The following GRIK4 variants were observed in gnomAD, a reference collection of about 807,000 sequenced individuals.
The protein encoded by GRIK4 is glutamate ionotropic receptor kainate type subunit 4.
Under a neutral mutation model 104.9 loss-of-function variants are expected in GRIK4, and 40 were observed. The ratio of observed to expected loss-of-function variants is 0.38; its 90% CI spans 0.30 to 0.50. GRIK4 has a LOEUF of 0.50. GRIK4 is among the 20% of genes least tolerant of loss of function. The pLI, the probability that GRIK4 is intolerant of heterozygous loss-of-function variation, is 0.93. For synonymous variants in GRIK4, 485 were observed against 524.9 expected (o/e 0.92, Z 1.04); for missense variants, 1,047 against 1,308.1 (o/e 0.80, Z 3.08).
At chr11:120,556,638 T>G (rs1948189139) in intron 1 of GRIK4, among the ~76,000 whole-genome samples, 1 of 152,096 alleles carries the variant, frequency 6.6e-6, no homozygotes, top group African/African-American at 2.4e-5. Flanking sequence ...GGTCCTCAAC[T>G]TACTGGGTAA....
intron 16 of GRIK4, among the ~76,000 whole-genome samples, chr11:120,959,847 C>T (rs1944249671): frequency 6.6e-6 from 1 of 152,168 alleles, no homozygotes. Flanking sequence ...TCTGTTGTTA[C>T]AATTTACAGA....
intron 11 of GRIK4, among the ~76,000 whole-genome samples, chr11:120,883,999 G>T (rs945762393): frequency 8.5e-5 from 13 of 152,226 alleles, no homozygotes; most frequent in Non-Finnish European, 1.8e-4. Flanking sequence ...GGGTTTGCAG[G>T]CAGGCAGGCC....
At chr11:120,806,023 C>CT in intron 4 of GRIK4, among the ~76,000 whole-genome samples, 1 of 152,228 alleles carries the variant, frequency 6.6e-6, no homozygotes, top group East Asian at 1.9e-4. Flanking sequence ...TTTTGTGCCT[C>CT]TGTTTCCTCG....
intron 3 of GRIK4, among the ~76,000 whole-genome samples, chr11:120,756,861 C>G (rs1328448201): frequency 2.0e-5 from 3 of 152,244 alleles, no homozygotes; most frequent in Non-Finnish European, 4.4e-5. Flanking sequence ...TAACTCATCT[C>G]TCTTTCAACC....
intron 13 of GRIK4, among the ~76,000 whole-genome samples, chr11:120,937,764 A>G (rs1309310981): frequency 6.6e-6 from 1 of 152,240 alleles, no homozygotes; most frequent in Non-Finnish European, 1.5e-5. Context: ...GAACCCTGGT[A>G]GTGAGCTGCT....
intron 20 of GRIK4, among the ~76,000 whole-genome samples, chr11:120,982,846 A>G (rs1007885629): frequency 6.6e-6 from 1 of 152,186 alleles, no homozygotes; most frequent in African/African-American, 2.4e-5. Context: ...TCACAGCAGG[A>G]CAAACAGTGC....
intron 13 of GRIK4, among the ~76,000 whole-genome samples, chr11:120,928,167 T>C (rs1463072989): frequency 7.0e-6 from 1 of 143,502 alleles, no homozygotes; most frequent in Non-Finnish European, 1.5e-5. Flanking sequence ...TGAGCCGAGA[T>C]CGCACCACTG....
At chr11:120,808,980 C>T (rs895705949) in intron 4 of GRIK4, among the ~76,000 whole-genome samples, 3 of 152,128 alleles carry the variant, frequency 2.0e-5, no homozygotes, top group Admixed American at 6.5e-5. Flanking sequence ...GAGGACCTGG[C>T]CCCCTGGGTC....
chr11:120,535,784 C>T (rs1947967941), intron 1 of GRIK4, among the ~76,000 whole-genome samples: 1 of 152,250 alleles, frequency 6.6e-6, no homozygotes, highest in Non-Finnish European at 1.5e-5. Context: ...TATCTGTGCA[C>T]ATTTGCATTG....
chr11:120,790,743 A>C (rs1044167420), intron 3 of GRIK4, among the ~76,000 whole-genome samples: 4 of 152,166 alleles, frequency 2.6e-5, no homozygotes, highest in Non-Finnish European at 5.9e-5. Context: ...ATTGCAAAAG[A>C]AAGCAAGGAG....
intron 1 of GRIK4, among the ~76,000 whole-genome samples, chr11:120,544,850 A>G (rs138834705): frequency 1.3e-5 from 2 of 152,256 alleles, no homozygotes; most frequent in East Asian, 3.9e-4. Flanking sequence ...TTGAAGCCAT[A>G]TTTGTCCTTT....
chr11:120,983,719 CCTT>C (rs1371670183), intron 20 of GRIK4, among the ~76,000 whole-genome samples: 38 of 152,180 alleles, frequency 2.5e-4, no homozygotes, highest in African/African-American at 8.2e-4. Context: ...TGGTCACCCT[CCTT>C]CTTCCTGACA....
intron 18 of GRIK4, among the ~76,000 whole-genome samples, chr11:120,964,146 C>T (rs1001851892): frequency 6.6e-6 from 1 of 152,004 alleles, no homozygotes; most frequent in Non-Finnish European, 1.5e-5. Flanking sequence ...CGTGCACTAC[C>T]ACACCCAGCT....
chr11:120,815,490 G>T lies in GRIK4; in HGVS notation c.345+15G>T. The stretch of plus-strand genomic sequence containing the variant: ...GAGAGAAGGAGGTGAGTGTGAGGCA[G>T]GGCTGGGGAATATCTGTGTGCTGGA... On this transcript the variant is annotated intron_variant, in intron 5 of 20. Transcript: ENST00000527524. 1.4e-6 allele frequency: 2 copies of T among 1,450,352 alleles called. No individual in the cohort carries two copies. Among genetic ancestry groups the T allele is most frequent in the Non-Finnish European group, 1.9e-6 (2 of 1,061,678 alleles). The allele number at this position is 1,450,352 out of a possible 1,614,324, so 89.8% of individuals were successfully genotyped here. A position where few individuals can be genotyped will look rare whatever the true frequency, so the allele number is the denominator to read the frequency against.
intron 4 of GRIK4, among the ~76,000 whole-genome samples, chr11:120,807,516 A>T (rs1952739430): frequency 1.3e-5 from 2 of 152,144 alleles, no homozygotes. Flanking sequence ...TTCCAGCTCC[A>T]CATGGCTGCA....
intron 3 of GRIK4, among the ~76,000 whole-genome samples, chr11:120,789,562 T>C (rs1952355516): frequency 6.6e-6 from 1 of 152,182 alleles, no homozygotes; most frequent in Non-Finnish European, 1.5e-5. Context: ...CCAGTGTATC[T>C]ATGGGAGTGA....
intron 6 of GRIK4, among the ~76,000 whole-genome samples, chr11:120,824,284 G>A (rs1387328866): frequency 6.6e-6 from 1 of 152,172 alleles, no homozygotes; most frequent in Non-Finnish European, 1.5e-5. Context: ...GGCTGGGGGA[G>A]GAGATGTGAT....
intron 1 of GRIK4, among the ~76,000 whole-genome samples, chr11:120,596,401 G>A (rs980507094): frequency 5.9e-5 from 9 of 152,218 alleles, no homozygotes; most frequent in Non-Finnish European, 1.5e-5. Flanking sequence ...TGGGAACACC[G>A]ATGAGGGAAC....
At chr11:120,713,028 A>C (rs1259131655) in intron 3 of GRIK4, among the ~76,000 whole-genome samples, 1 of 152,192 alleles carries the variant, frequency 6.6e-6, no homozygotes, top group Non-Finnish European at 1.5e-5. Context: ...GGCAGTGCCC[A>C]ACTTTGAGAC....
Sources: gnomAD v4.1 joint callset for allele counts (sites outside exome capture counted in the v4.1 genomes callset) on GRCh38, gnomAD v4.1.1 for gene constraint, MANE v1.5 for transcripts, NCBI Gene and HGNC (gene_info 2026-07-23, HGNC 2026-07-21) for gene names.